EPAS1: variants seen among roughly 807,000 people sequenced by gnomAD.
The protein encoded by EPAS1 is endothelial PAS domain-containing protein 1.
EPAS1 carries 23 observed loss-of-function variants against 87.9 expected under a neutral mutation model. That is an observed-to-expected ratio of 0.26 (90% CI 0.19 to 0.37). The LOEUF (loss-of-function observed/expected upper bound fraction) is 0.37. Among genes scored for constraint, EPAS1 ranks in the 10% least tolerant of loss-of-function variants. The pLI is 1.00. For missense variants in EPAS1, 1,138 were observed against 1,120.7 expected, an observed-to-expected ratio of 1.02 and a Z score of -0.22; for synonymous variants, 508 against 444.3, an observed-to-expected ratio of 1.14 and a Z score of -1.80.
chr2:46,372,764 CT>C, intron 7 of EPAS1, among the ~76,000 whole-genome samples: 1 of 152,240 alleles, frequency 6.6e-6, no homozygotes. Context: ...TAGAAATGCA[CT>C]TAAAACCTTT....
chr2:46,343,325 A>AT (rs1407005614), intron 1 of EPAS1, among the ~76,000 whole-genome samples: 1 of 152,190 alleles, frequency 6.6e-6, no homozygotes, highest in Non-Finnish European at 1.5e-5. Context: ...TTGTCACTGT[A>AT]TTTAAAAAAG....
chr2:46,299,265 G>T (rs1682947285), intron 1 of EPAS1, among the ~76,000 whole-genome samples: 1 of 152,222 alleles, frequency 6.6e-6, no homozygotes, highest in Admixed American at 6.5e-5. Context: ...GCCTGTCCTG[G>T]CTCGGCGCCC....
Position 46,375,744 on chromosome 2 carries a change from G to C in EPAS1, c.941G>C (p.Gly314Ala). Reference sequence around the variant, plus strand: ...CAGTACCGGATGCTCGCAAAGCATGGGGGCTACGTGTGGCTGGAGACCCAG... The same window carrying C: ...CAGTACCGGATGCTCGCAAAGCATGCGGGCTACGTGTGGCTGGAGACCCAG... ...SGQYRMLAKH[G>A]GYVWLETQGT... is the part of the protein sequence containing the mutation. Residue 314 changes from glycine (G) to alanine (A), a missense_variant, in exon 8 of 16, where the codon GGG (glycine) becomes GCG (alanine). Physicochemically the swap from Gly to Ala is moderately conservative, Grantham distance 60. Around this residue, in one of 4 missense-constraint regions of EPAS1, gnomAD observed 351 missense variants for 417.1 expected, o/e 0.84. Coordinates refer to ENST00000263734, the MANE Select transcript of EPAS1 (RefSeq NM_001430.5). The surrounding 1 kb of genome is among the most constrained non-coding windows in gnomAD (Gnocchi z 4.1). The C allele has an allele frequency of 6.2e-7, 1 of 1,614,218 alleles. No homozygotes were observed. Among genetic ancestry groups the C allele is most frequent in the African/African-American group, 1.3e-5 (1 of 75,052 alleles).
intron 1 of EPAS1, among the ~76,000 whole-genome samples, chr2:46,337,405 C>A (rs1034246061): frequency 4.2e-4 from 64 of 152,106 alleles, no homozygotes; most frequent in African/African-American, 1.5e-3. Context: ...AGAGTATATT[C>A]CAGGCAGGGA....
chr2:46,378,564 T>G, intron 10 of EPAS1, 93 bp from the exon 11 acceptor site: 1 of 1,037,644 alleles, frequency 9.6e-7, no homozygotes, highest in Non-Finnish European at 1.5e-6. Context: ...ATTGAACCTT[T>G]GGGTCCAGGA....
At chr2:46,317,486 A>G (rs1041951549) in intron 1 of EPAS1, among the ~76,000 whole-genome samples, 5 of 152,234 alleles carry the variant, frequency 3.3e-5, no homozygotes, top group African/African-American at 4.8e-5. Context: ...GCACATAAAC[A>G]TATGTGCTGT....
chr2:46,308,702 G>C (rs556646733), intron 1 of EPAS1, among the ~76,000 whole-genome samples: 13 of 152,300 alleles, frequency 8.5e-5, no homozygotes, highest in South Asian at 2.1e-4. Flanking sequence ...CGTCAGGCTA[G>C]TATTATATCA....
intron 2 of EPAS1, among the ~76,000 whole-genome samples, chr2:46,348,686 AT>A (rs1684085318): frequency 6.6e-6 from 1 of 152,222 alleles, no homozygotes; most frequent in Non-Finnish European, 1.5e-5. Flanking sequence ...CAGGTTGAGT[AT>A]CCCTTATCCG....
At chr2:46,379,865 G>T in intron 11 of EPAS1, 1 of 384,272 alleles carries the variant, frequency 2.6e-6, no homozygotes, top group Non-Finnish European at 5.0e-6. Context: ...AAGCATTGTA[G>T]GACAAGGATA....
At chr2:46,308,698 G>C (rs1310752758) in intron 1 of EPAS1, among the ~76,000 whole-genome samples, 1 of 152,132 alleles carries the variant, frequency 6.6e-6, no homozygotes, top group African/African-American at 2.4e-5. Flanking sequence ...CAAACGTCAG[G>C]CTAGTATTAT....
At chr2:46,322,232 C>T (rs1683469223) in intron 1 of EPAS1, among the ~76,000 whole-genome samples, 1 of 152,168 alleles carries the variant, frequency 6.6e-6, no homozygotes, top group African/African-American at 2.4e-5. Context: ...CTCCTCTTCT[C>T]CACCCGCTAG....
In EPAS1 at chr2:46,375,444, C is replaced by CA. The variant is rs1253087921; in HGVS notation, c.887-245dup. On this transcript the variant is annotated intron_variant, in intron 7 of 15. Coordinates refer to ENST00000263734, the MANE Select transcript of EPAS1 (RefSeq NM_001430.5). This position sits in a 1 kb window ranked among gnomAD's most constrained non-coding sequence, Gnocchi z 4.1. ...CTGCATAGTGAGCGGGTCCCTCCCT[C>CA]AGTAGACAGCCTTGGGCAAGTCATT... Among the ~76,000 whole-genome samples, 1 of 152,148 alleles carries CA rather than the reference C, an allele frequency of 6.6e-6. No individual in the cohort carries two copies. The highest frequency in any genetic ancestry group is 2.4e-5 in the African/African-American group (1 of 41,412).
intron 4 of EPAS1, among the ~76,000 whole-genome samples, chr2:46,359,688 T>C (rs1452296610): frequency 6.6e-6 from 1 of 152,196 alleles, no homozygotes; most frequent in East Asian, 1.9e-4. Flanking sequence ...GTGCAGGGGC[T>C]GGTGACTGTT....
rs1188200724 is a variant in EPAS1 at position 46,375,520 on chromosome 2, G to A, written c.887-170G>A. Reference sequence around the variant, plus strand: ...ATATTTAAAATGAAGAGTTGGCTGAGGTGATCCCTAAGCTCCCTCCCAGGT... The same window carrying A: ...ATATTTAAAATGAAGAGTTGGCTGAAGTGATCCCTAAGCTCCCTCCCAGGT... On this transcript the variant is annotated intron_variant, in intron 7 of 15. Transcript: ENST00000263734. The surrounding 1 kb of genome is among the most constrained non-coding windows in gnomAD (Gnocchi z 4.1). 9.4e-6 allele frequency: 7 copies of A among 742,672 alleles called. No individual in the cohort carries two copies. The highest frequency in any genetic ancestry group is 1.6e-5 in the Non-Finnish European group (7 of 438,488). 46.0% of individuals were successfully genotyped at this position (742,672 alleles called of 1,614,324 possible).
At chr2:46,339,868 G>T (rs1683874430) in intron 1 of EPAS1, among the ~76,000 whole-genome samples, 1 of 152,126 alleles carries the variant, frequency 6.6e-6, no homozygotes, top group South Asian at 2.1e-4. Context: ...GGTTCCCCTG[G>T]GCCTCCTTTG....
chr2:46,332,699 C>T (rs1380245279), intron 1 of EPAS1, among the ~76,000 whole-genome samples: 2 of 152,082 alleles, frequency 1.3e-5, no homozygotes, highest in Non-Finnish European at 2.9e-5. Context: ...GCTTTTTCCC[C>T]CTGGGGCTTG....
rs1489103000 is a variant in EPAS1, at chr2:46,360,165, A to AGG, written c.455-472_455-471dup. Among the ~76,000 whole-genome samples the AGG allele has an allele frequency of 6.6e-6, 1 of 152,246 alleles. No homozygotes were observed. Among genetic ancestry groups the AGG allele is most frequent in the East Asian group, 1.9e-4 (1 of 5,200 alleles). ...AGGGGTTAAATTCCTCCTGAGAGACAGGTTATAAAGGAAAGACGGGAGTGT... is the reference window on the plus strand; with the variant it reads ...AGGGGTTAAATTCCTCCTGAGAGACAGGGGTTATAAAGGAAAGACGGGAGTGT... On this transcript the variant is annotated intron_variant, in intron 4 of 15. Transcript: ENST00000263734. The surrounding 1 kb of genome is among the most constrained non-coding windows in gnomAD (Gnocchi z 4.5).
Position 46,377,926 on chromosome 2 carries a change from G to C in EPAS1, c.1282G>C (p.Gly428Arg). 2 of 1,554,548 alleles carry C rather than the reference G, an allele frequency of 1.3e-6. No homozygotes were observed. The highest frequency in any genetic ancestry group is 1.7e-6 in the Non-Finnish European group (2 of 1,148,532). ...NQNFEESSAYGKAILPPSQPW... is the reference protein window; with the variant it reads ...NQNFEESSAYRKAILPPSQPW... ...GAACTTCGAGGAGTCCTCAGCCTAT[G>C]GCAAGGCCATCCTGCCCCCGAGCCA... Residue 428 changes from glycine to arginine, a missense_variant, in exon 10 of 16, where the codon GGC becomes CGC. This residue lies in a region of EPAS1 where 284 missense variants were observed against 258.4 expected (regional missense o/e 1.10). Transcript: ENST00000263734.
rs1204027343 is a variant in EPAS1, at chr2:46,380,360, G to A, written c.1688G>A (p.Cys563Tyr). 1.2e-6 allele frequency: 2 copies of A among 1,614,002 alleles called. No homozygotes were observed. The highest frequency in any genetic ancestry group is 8.5e-7 in the Non-Finnish European group (1 of 1,180,020). The change falls in exon 12 of 16, where the codon TGC becomes TAC. Residue 563 changes from cysteine (C) to tyrosine (Y), a missense_variant. Physicochemically the swap from Cys to Tyr is radical, Grantham distance 194. Coordinates refer to ENST00000263734, the MANE Select transcript of EPAS1 (RefSeq NM_001430.5). This position sits in a 1 kb window ranked among gnomAD's most constrained non-coding sequence, Gnocchi z 4.4. ...AENPQSTPQHCFSAMTNIFQP... is the reference protein window; with the variant it reads ...AENPQSTPQHYFSAMTNIFQP... ...AACCCACAGTCCACCCCCCAGCACTGCTTCAGTGCCATGACAAACATCTTC... is the reference window on the plus strand; with the variant it reads ...AACCCACAGTCCACCCCCCAGCACTACTTCAGTGCCATGACAAACATCTTC...
Sources: gnomAD v4.1 joint callset for allele counts (sites outside exome capture counted in the v4.1 genomes callset) on GRCh38, gnomAD v4.1.1 for gene constraint, gnomAD v4.1.1 regional missense constraint, Gnocchi (gnomAD v3.1) non-coding constraint, MANE v1.5 for transcripts, NCBI Gene and HGNC (gene_info 2026-07-23, HGNC 2026-07-21) for gene names.